The following UBXN6 variants were observed in gnomAD, a reference collection of about 807,000 sequenced individuals.
The protein encoded by UBXN6 is UBX domain-containing protein 6.
In UBXN6, 44 loss-of-function variants were observed where a neutral mutation model predicts 51.4. The observed-to-expected ratio is 0.86, with a 90% CI of 0.67 to 1.10. UBXN6 has a LOEUF of 1.10. Ranked by LOEUF, UBXN6 falls within the 50% of genes least tolerant of loss-of-function variation. The pLI, the probability that UBXN6 is intolerant of heterozygous loss-of-function variation, is 0.00. For synonymous variants in UBXN6, 316 were observed against 263.2 expected (o/e 1.20, Z -1.94); for missense variants, 672 against 596.1 (o/e 1.13, Z -1.32).
chr19:4,447,333 G>C, intron 6 of UBXN6: 3 of 593,014 alleles, frequency 5.1e-6, no homozygotes, highest in East Asian at 5.6e-5. Context: ...CAGGTGAGGA[G>C]AGGCAGAATT....
In UBXN6 at chr19:4,445,340, G is replaced by T; in HGVS notation, c.*158C>A. ...CCCAAGGGATGGGGGCTCTGCCACG[G>T]GGCCCAATTCCACAGCTCCACGGCT... is the stretch of plus-strand genomic sequence containing the variant. On this transcript the variant is annotated 3_prime_UTR_variant, in exon 11 of 11. Transcript: ENST00000301281. 1.6e-6 allele frequency: 2 copies of T among 1,287,312 alleles called. No individual in the cohort carries two copies. Among genetic ancestry groups the T allele is most frequent in the Non-Finnish European group, 2.1e-6 (2 of 934,862 alleles). The allele number at this position is 1,287,312 out of a possible 1,614,324, so 79.7% of individuals were successfully genotyped here.
chr19:4,448,464 A>G (rs1974587155), intron 4 of UBXN6, 49 bp from the exon 5 acceptor site: 4 of 1,480,416 alleles, frequency 2.7e-6, no homozygotes, highest in South Asian at 1.2e-5. Flanking sequence ...CCCGGGCCGC[A>G]CGGCCCTCCG....
chr19:4,448,364 T>C lies in UBXN6; in HGVS notation c.493A>G (p.Asn165Asp). ...AASIMKIYTF[N>D]KDQDRVKLGV... ...AGCTTCACCCGGTCCTGGTCTTTGT[T>C]GAACGTGTAGATCTTCATGATGGAG... Residue 165 changes from asparagine (N) to aspartate (D), a missense_variant, in exon 5 of 11, where the codon AAC becomes GAC. Asn to Asp is a conservative substitution (Grantham distance 23). Transcript: ENST00000301281. 1 of 1,610,966 alleles carries C rather than the reference T, an allele frequency of 6.2e-7. No homozygotes were observed. Among genetic ancestry groups the C allele is most frequent in the South Asian group, 1.1e-5 (1 of 90,466 alleles).
Position 4,452,356 on chromosome 19 carries a change from C to G in UBXN6, c.441+8G>C. Reference sequence around the variant, plus strand: ...GGTTGGGGCAGGAGCACACAGGGTGCCACTCACCAAGAGAATGGCCTCCTT... The same window carrying G: ...GGTTGGGGCAGGAGCACACAGGGTGGCACTCACCAAGAGAATGGCCTCCTT... On this transcript the variant is annotated splice_region_variant and intron_variant, in intron 4 of 10. Transcript: ENST00000301281. 1 of 1,612,430 alleles carries G rather than the reference C, an allele frequency of 6.2e-7. No homozygotes were observed. Among genetic ancestry groups the G allele is most frequent in the Non-Finnish European group, 8.5e-7 (1 of 1,179,026 alleles).
chr19:4,453,880 C>T (rs201671391), intron 2 of UBXN6, 50 bp downstream of exon 2: 27 of 1,583,312 alleles, frequency 1.7e-5, no homozygotes, highest in Middle Eastern at 1.8e-4. Flanking sequence ...GCACCAGGGC[C>T]GAGAACCTCA....
In UBXN6 at chr19:4,445,406, C is replaced by T. The variant is rs1436617373; in HGVS notation, c.*92G>A. 1.3e-6 allele frequency: 2 copies of T among 1,576,338 alleles called. No individual in the cohort carries two copies. The highest frequency in any genetic ancestry group is 1.7e-6 in the Non-Finnish European group (2 of 1,158,460). On this transcript the variant is annotated 3_prime_UTR_variant, in exon 11 of 11. Transcript: ENST00000301281. The stretch of plus-strand genomic sequence containing the variant: ...CCCATGGGGCAGAGCCAAGTATTTC[C>T]AGAGGTGGCTTGGAGGCCCTGGGGT...
intron 6 of UBXN6, chr19:4,447,233 C>G (rs192780984): frequency 1.7e-6 from 1 of 572,128 alleles, no homozygotes; most frequent in East Asian, 2.9e-5. Flanking sequence ...CCCTTTCCCC[C>G]AGAAGAACCA....
Position 4,448,281 on chromosome 19 carries a change from GGAGGGGCCAGGCAGGGCA to G in UBXN6, c.539+19_539+36del. On this transcript the variant is annotated intron_variant, in intron 5 of 10. Transcript: ENST00000301281. ...AGTGGGAGGGGTGCTGGGATGAGCT[GGAGGGGCCAGGCAGGGCA>G]AAGGGGCCACACGCTCACTTGGCAA... is the stretch of plus-strand genomic sequence containing the variant. The G allele has an allele frequency of 1.3e-6, 2 of 1,548,838 alleles. No homozygotes were observed. Among genetic ancestry groups the G allele is most frequent in the Non-Finnish European group, 1.8e-6 (2 of 1,142,132 alleles).
chr19:4,457,083 C>G (rs1037842931), intron 1 of UBXN6, among the ~76,000 whole-genome samples: 2 of 152,156 alleles, frequency 1.3e-5, no homozygotes, highest in South Asian at 2.1e-4. Context: ...CCCCACCCCA[C>G]AGCTGTGCGT....
At chr19:4,457,381 C>G (rs1345139747) in intron 1 of UBXN6, among the ~76,000 whole-genome samples, 2 of 129,406 alleles carry the variant, frequency 1.5e-5, no homozygotes, top group Admixed American at 1.5e-4. Context: ...CCGCCGCGCC[C>G]CCGGGTCATA....
At chr19:4,451,023 G>T (rs182845700) in intron 4 of UBXN6, among the ~76,000 whole-genome samples, 4 of 152,156 alleles carry the variant, frequency 2.6e-5, no homozygotes, top group Admixed American at 2.6e-4. Flanking sequence ...GTGTGAGTCT[G>T]GAGAGTCTAT....
chr19:4,452,292 G>T (rs1187704720), intron 4 of UBXN6, 72 bp downstream of exon 4: 1 of 1,577,816 alleles, frequency 6.3e-7, no homozygotes, highest in Non-Finnish European at 8.6e-7. Context: ...GTACCACCTG[G>T]GCTTCCGATG....
At position 4,457,594 on chromosome 19, in the gene UBXN6, GC is replaced by G; in HGVS notation, c.83+20del. The G allele has an allele frequency of 6.3e-7, 1 of 1,582,728 alleles. No homozygotes were observed. The highest frequency in any genetic ancestry group is 8.6e-7 in the Non-Finnish European group (1 of 1,166,720). ...CCGTCCCCGCCCCGCAGGGCCTCAA[GC>G]CCCTGCGTTCCTCACGCACCCCACG... On this transcript the variant is annotated intron_variant, in intron 1 of 10. Coordinates refer to ENST00000301281, the MANE Select transcript of UBXN6 (RefSeq NM_025241.3).
chr19:4,448,730 G>C, intron 4 of UBXN6: 2 of 374,814 alleles, frequency 5.3e-6, no homozygotes, highest in South Asian at 5.5e-5. Context: ...TTTAGAACTC[G>C]ACCTCAGTGC....
chr19:4,446,005 GCAGAGGCATCGGGT>G, intron 10 of UBXN6, 30 bp downstream of exon 10: 1 of 1,562,620 alleles, frequency 6.4e-7, no homozygotes, highest in East Asian at 2.3e-5. Flanking sequence ...AGGAGAACCT[GCAGAGGCATCGGGT>G]CAGCGGTGCT....
Position 4,448,004 on chromosome 19 carries a change from CAG to C in UBXN6, c.539+312_539+313del. On this transcript the variant is annotated intron_variant, in intron 5 of 10. Coordinates refer to ENST00000301281, the MANE Select transcript of UBXN6 (RefSeq NM_025241.3). ...GGCGTTGGCGGGCAGCGTGGACCTC[CAG>C]GCCTGCCCCCGATCCTGAGACCCGG... is the stretch of plus-strand genomic sequence containing the variant. 10 of 521,278 alleles carry C rather than the reference CAG, an allele frequency of 1.9e-5. 1 individual carries two copies. The South Asian group carries it at 2.2e-4, about 11-fold the overall frequency. The allele number at this position is 521,278 out of a possible 1,614,324, so 32.3% of individuals were successfully genotyped here.
At position 4,446,916 on chromosome 19, in the gene UBXN6, C is replaced by T. The variant is rs1167959668; in HGVS notation, c.620G>A (p.Arg207His). 2.5e-6 allele frequency: 4 copies of T among 1,613,612 alleles called. No homozygotes were observed. Among genetic ancestry groups the T allele is most frequent in the Non-Finnish European group, 3.4e-6 (4 of 1,179,908 alleles). ...GTGGGTCCCTTCCAGGCAGTTAATG[C>T]GCTCCTGGGGGTGGAGATGGGCGTC... is the stretch of plus-strand genomic sequence containing the variant. ...IKLQNKVFQE[R>H]INCLEGTHEF... The change falls in exon 7 of 11, where the codon CGC becomes CAC. Residue 207 changes from arginine to histidine, a missense_variant. Physicochemically the swap from Arg to His is conservative, Grantham distance 29. Transcript: ENST00000301281.
At chr19:4,452,917 T>G (rs1443808970) in intron 3 of UBXN6, among the ~76,000 whole-genome samples, 4 of 152,184 alleles carry the variant, frequency 2.6e-5, no homozygotes, top group African/African-American at 7.2e-5. Flanking sequence ...CGTGCTAAAA[T>G]TCACTGAATC....
At position 4,445,667 on chromosome 19, in the gene UBXN6, C is replaced by T. The variant is rs576835241; in HGVS notation, c.1201-44G>A. The T allele has an allele frequency of 3.4e-5, 54 of 1,589,090 alleles. No individual in the cohort carries two copies. The African/African-American group carries it at 4.3e-4, about 13-fold the overall frequency. On this transcript the variant is annotated intron_variant, in intron 10 of 10. Transcript: ENST00000301281. Reference sequence around the variant, plus strand: ...GTCACTCTGAGACCGAGAGTCGGCCCTTGCCGCGGCAGGGAACTCAGCGGG... The same window carrying T: ...GTCACTCTGAGACCGAGAGTCGGCCTTTGCCGCGGCAGGGAACTCAGCGGG...
Sources: gnomAD v4.1 joint callset for allele counts (sites outside exome capture counted in the v4.1 genomes callset) on GRCh38, gnomAD v4.1.1 for gene constraint, MANE v1.5 for transcripts, NCBI Gene and HGNC (gene_info 2026-07-23, HGNC 2026-07-21) for gene names.